Variants in AGO2 observed in about 807,000 individuals in gnomAD.
AGO2 encodes the protein argonaute RISC catalytic component 2, also known as protein argonaute-2.
Under a neutral mutation model 102.3 loss-of-function variants are expected in AGO2, and 5 were observed. The observed-to-expected ratio is 0.05, with a 90% confidence interval of 0.03 to 0.10. AGO2 has a LOEUF of 0.10. AGO2 is among the 10% of genes least tolerant of loss of function. The pLI is 1.00. For missense variants in AGO2, 541 were observed against 1,183.7 expected, an observed-to-expected ratio of 0.46 and a Z score of 7.97; for synonymous variants, 449 against 473.1, an observed-to-expected ratio of 0.95 and a Z score of 0.66.
chr8:140,599,855 G>A (rs1385153695), intron 1 of AGO2, among the ~76,000 whole-genome samples: 2 of 152,144 alleles, frequency 1.3e-5, no homozygotes, highest in Non-Finnish European at 2.9e-5. Context: ...CAGAATAGCT[G>A]GGATTACAGG....
rs1263382283 is a variant in AGO2, at chr8:140,532,561, A to T, written c.2326T>A (p.Ser776Thr). The change falls in exon 18 of 19, where the codon TCT becomes ACT. Residue 776 changes from serine (S) to threonine (T), a missense_variant. By Grantham distance (58) the Ser-to-Thr change is moderately conservative (BLOSUM62 1). Around this residue, in one of 6 missense-constraint regions of AGO2, gnomAD observed 309 missense variants for 735.1 expected, o/e 0.42. Coordinates refer to ENST00000220592, the MANE Select transcript of AGO2 (RefSeq NM_012154.5). ...HVLWDDNRFS[S>T]DELQILTYQL... ...TAGGTTAGGATCTGCAGCTCATCAGAGGAGAAACGATTGTCGTCCCAGAGG... is the reference window on the plus strand; with the variant it reads ...TAGGTTAGGATCTGCAGCTCATCAGTGGAGAAACGATTGTCGTCCCAGAGG... The T allele has an allele frequency of 6.2e-7, 1 of 1,614,292 alleles. No individual in the cohort carries two copies.
chr8:140,542,071 T>C (rs1022798518), intron 14 of AGO2, among the ~76,000 whole-genome samples: 2 of 152,016 alleles, frequency 1.3e-5, no homozygotes, highest in Non-Finnish European at 2.9e-5. Flanking sequence ...ACACCAGCCA[T>C]GCAAGCAGCC....
intron 9 of AGO2, 59 bp downstream of exon 9, chr8:140,556,108 T>G: frequency 6.2e-7 from 1 of 1,611,162 alleles, no homozygotes; most frequent in Non-Finnish European, 8.5e-7. Flanking sequence ...CAGAGGTTTC[T>G]GTGCCAGGGC....
rs755874332 is a variant in AGO2 at position 140,558,515 on chromosome 8, T to C, written c.848A>G (p.Asn283Ser). Residue 283 changes from asparagine (N) to serine (S), a missense_variant, in exon 7 of 19, where the codon AAT becomes AGT. Asn to Ser is a conservative substitution (Grantham distance 46). Coordinates refer to ENST00000220592, the MANE Select transcript of AGO2 (RefSeq NM_012154.5). Reference sequence around the variant, plus strand: ...GTGACTGGCGGGCCGCCGGGTCACATTGCAGACGCGGTACTTCCTCTTCAT... The same window carrying C: ...GTGACTGGCGGGCCGCCGGGTCACACTGCAGACGCGGTACTTCCTCTTCAT... ...GQMKRKYRVC[N>S]VTRRPASHQT... 1.8e-5 allele frequency: 29 copies of C among 1,614,222 alleles called. No individual in the cohort carries two copies. The highest frequency in any genetic ancestry group is 2.2e-5 in the East Asian group (1 of 44,882).
At chr8:140,603,790 G>C (rs1310775673) in intron 1 of AGO2, among the ~76,000 whole-genome samples, 1 of 152,210 alleles carries the variant, frequency 6.6e-6, no homozygotes, top group Non-Finnish European at 1.5e-5. Flanking sequence ...GGGCCTCCTT[G>C]TGTCTTCACC....
chr8:140,535,081 A>C (rs1315389503), intron 17 of AGO2, among the ~76,000 whole-genome samples: 1 of 152,220 alleles, frequency 6.6e-6, no homozygotes, highest in Non-Finnish European at 1.5e-5. Context: ...ATCGACGCCA[A>C]GTCTGCCCCA....
intron 13 of AGO2, among the ~76,000 whole-genome samples, chr8:140,546,655 C>T (rs1363510205): frequency 6.6e-6 from 1 of 152,246 alleles, no homozygotes; most frequent in Non-Finnish European, 1.5e-5. Flanking sequence ...GGAGCTCCAA[C>T]AGATCCACGC....
chr8:140,609,775 G>T (rs563222816), intron 1 of AGO2, among the ~76,000 whole-genome samples: 4 of 152,026 alleles, frequency 2.6e-5, no homozygotes, highest in Admixed American at 2.6e-4. Flanking sequence ...ATGACTGCCC[G>T]GAAAAAGACA....
At chr8:140,548,812 C>CCCA (rs1454106094) in intron 12 of AGO2, among the ~76,000 whole-genome samples, 1 of 152,172 alleles carries the variant, frequency 6.6e-6, no homozygotes, top group African/African-American at 2.4e-5. Flanking sequence ...CAAACGTTCC[C>CCCA]CCATCCAGCC....
rs2072952826 is a variant in AGO2, at chr8:140,549,145, C to A, written c.1557G>T (p.Val519=). 4 of 1,611,750 alleles carry A rather than the reference C, an allele frequency of 2.5e-6. No individual in the cohort carries two copies. The highest frequency in any genetic ancestry group is 3.4e-6 in the Non-Finnish European group (4 of 1,178,902). ...KNTYAGLQLV[V]VILPGKTPVY... is the part of the protein sequence containing the mutation. ...CGGGCGTCTTGCCGGGCAGGATGAC[C>A]ACCACCAGCTGCAGGCCCGCATACG... is the stretch of plus-strand genomic sequence containing the variant. The change falls in exon 12 of 19, where the codon GTG becomes GTT. Residue 519 remains valine (V), a synonymous_variant. Transcript: ENST00000220592.
At chr8:140,547,734 C>T (rs144887010) in intron 12 of AGO2, 107 bp from the exon 13 acceptor site, 112 of 1,458,930 alleles carry the variant, frequency 7.7e-5, no homozygotes, top group Middle Eastern at 3.9e-4. Flanking sequence ...GCAAGTGCAG[C>T]CATGGCAGCT....
intron 1 of AGO2, among the ~76,000 whole-genome samples, chr8:140,616,118 C>G (rs901756281): frequency 6.6e-6 from 1 of 152,174 alleles, no homozygotes. Flanking sequence ...TAACCAAGCC[C>G]GTGAGGCTCC....
chr8:140,539,597 C>A lies in AGO2; in HGVS notation c.2035-143G>T, dbSNP rs190518856. ...GTGTGTTCACGGGGAGGTGAAAACA[C>A]GGGGGCAGAAACCATCCTCTCTGCA... On this transcript the variant is annotated intron_variant, in intron 15 of 18. Transcript: ENST00000220592. The surrounding 1 kb of genome is among the most constrained non-coding windows in gnomAD (Gnocchi z 4.7). 2.0e-6 allele frequency: 2 copies of A among 977,268 alleles called. No individual in the cohort carries two copies. The highest frequency in any genetic ancestry group is 3.3e-5 in the African/African-American group (2 of 60,898). The allele number at this position is 977,268 out of a possible 1,614,324, so 60.5% of individuals were successfully genotyped here.
chr8:140,537,189 C>T (rs971669949), intron 16 of AGO2, among the ~76,000 whole-genome samples: 1 of 152,026 alleles, frequency 6.6e-6, no homozygotes, highest in Admixed American at 6.6e-5. Flanking sequence ...TGGAAAGCTC[C>T]CGAGACTTCC....
intron 1 of AGO2, among the ~76,000 whole-genome samples, chr8:140,632,965 T>C (rs934279656): frequency 6.6e-6 from 1 of 151,360 alleles, no homozygotes; most frequent in Non-Finnish European, 1.5e-5. Flanking sequence ...CAGGCTGGAG[T>C]GCAGTGGCGC....
chr8:140,559,533 T>C lies in AGO2; in HGVS notation c.656-4A>G. ...TTGTAAAACGCTGTTGCTGACACTG[T>C]AGGCGAGAAAAGAGGCAAAGGCCTA... On this transcript the variant is annotated splice_region_variant and splice_polypyrimidine_tract_variant and intron_variant, in intron 5 of 18. Transcript: ENST00000220592. 1.9e-6 allele frequency: 3 copies of C among 1,613,974 alleles called. No individual in the cohort carries two copies. The highest frequency in any genetic ancestry group is 2.5e-6 in the Non-Finnish European group (3 of 1,179,992).
At chr8:140,568,563 C>T (rs376741509) in intron 3 of AGO2, among the ~76,000 whole-genome samples, 3 of 152,118 alleles carry the variant, frequency 2.0e-5, no homozygotes, top group Admixed American at 6.5e-5. Context: ...GAGCCCAGGC[C>T]GAGAGACAGC....
chr8:140,535,046 G>A (rs572760623), intron 17 of AGO2, among the ~76,000 whole-genome samples: 1 of 152,352 alleles, frequency 6.6e-6, no homozygotes, highest in East Asian at 1.9e-4. Flanking sequence ...GGGACGGCAA[G>A]GCTGACTGCG....
Position 140,557,092 on chromosome 8 carries a change from C to T in AGO2, c.1023G>A (p.Leu341=). Reference sequence around the variant, plus strand: ...ACACAGGAAGAGGGTGACTTGCCTCCAGGGGAAGGTAGGTGTGTTTCTGCT... The same window carrying T: ...ACACAGGAAGAGGGTGACTTGCCTCTAGGGGAAGGTAGGTGTGTTTCTGCT... ...GQEQKHTYLP[L]EVCNIVAGQR... Residue 341 remains leucine, a synonymous_variant, in exon 8 of 19, where the codon CTG becomes CTA. Coordinates refer to ENST00000220592, the MANE Select transcript of AGO2 (RefSeq NM_012154.5). This position sits in a 1 kb window ranked among gnomAD's most constrained non-coding sequence, Gnocchi z 5.9. 1 of 1,612,308 alleles carries T rather than the reference C, an allele frequency of 6.2e-7. No individual in the cohort carries two copies. Among genetic ancestry groups the T allele is most frequent in the Non-Finnish European group, 8.5e-7 (1 of 1,178,980 alleles).
Sources: gnomAD v4.1 joint callset for allele counts (sites outside exome capture counted in the v4.1 genomes callset) on GRCh38, gnomAD v4.1.1 for gene constraint, gnomAD v4.1.1 regional missense constraint, Gnocchi (gnomAD v3.1) non-coding constraint, MANE v1.5 for transcripts, NCBI Gene and HGNC (gene_info 2026-07-23, HGNC 2026-07-21) for gene names.